Variants in SOD2 observed in about 807,000 individuals in gnomAD.
The protein encoded by SOD2 is superoxide dismutase [Mn], mitochondrial.
SOD2 carries 11 observed loss-of-function variants against 27.0 expected under a neutral mutation model. The ratio of observed to expected loss-of-function variants is 0.41; its 90% confidence interval spans 0.26 to 0.67. The LOEUF (loss-of-function observed/expected upper bound fraction) is 0.67. SOD2 is among the 30% of genes least tolerant of loss of function. The probability of loss-of-function intolerance (pLI) is 0.34; values close to 1 mark genes in which losing one functional copy is unlikely to be tolerated. For missense variants in SOD2, 250 were observed against 274.5 expected, an observed-to-expected ratio of 0.91 and a Z score of 0.63; for synonymous variants, 105 against 103.0, an observed-to-expected ratio of 1.02 and a Z score of -0.12.
At chr6:159,683,066 C>T (rs1374934737) in intron 4 of SOD2, among the ~76,000 whole-genome samples, 1 of 152,146 alleles carries the variant, frequency 6.6e-6, no homozygotes, top group Non-Finnish European at 1.5e-5. Flanking sequence ...TTACGAGGAA[C>T]CAGCTCTGCT....
At chr6:159,689,608 C>A (rs894069879) in intron 2 of SOD2, among the ~76,000 whole-genome samples, 1 of 152,186 alleles carries the variant, frequency 6.6e-6, no homozygotes, top group African/African-American at 2.4e-5. Flanking sequence ...GCTTTGCTCT[C>A]AAGGAGCTTA....
chr6:159,718,140 A>C (rs1777959062), intron 1 of SOD2, among the ~76,000 whole-genome samples: 1 of 151,868 alleles, frequency 6.6e-6, no homozygotes, highest in Admixed American at 6.6e-5. Flanking sequence ...CTATAGGCGC[A>C]CACCACCATG....
Position 159,688,153 on chromosome 6 carries a change from T to C in SOD2, c.316A>G (p.Ser106Gly). 6.2e-7 allele frequency: 1 copy of C among 1,612,278 alleles called. No individual in the cohort carries two copies. The highest frequency in any genetic ancestry group is 8.5e-7 in the Non-Finnish European group (1 of 1,178,254). Residue 106 changes from serine to glycine, a missense_variant, in exon 3 of 5, where the codon AGC (serine) becomes GGC (glycine). Physicochemically the swap from Ser to Gly is moderately conservative, Grantham distance 56. Coordinates refer to ENST00000538183, the MANE Select transcript of SOD2 (RefSeq NM_000636.4). ...INHSIFWTNLSPNGGGEPKGE... is the reference protein window; with the variant it reads ...INHSIFWTNLGPNGGGEPKGE... ...TTGGGTTCTCCACCACCGTTAGGGCTGAGGTTTGTCCAGAAAATGCTATGA... is the reference window on the plus strand; with the variant it reads ...TTGGGTTCTCCACCACCGTTAGGGCCGAGGTTTGTCCAGAAAATGCTATGA...
upstream of SOD2, among the ~76,000 whole-genome samples, chr6:159,696,763 C>T (rs1777427963): frequency 6.6e-6 from 1 of 151,990 alleles, no homozygotes; most frequent in Admixed American, 6.6e-5. Flanking sequence ...GGTATGGGGC[C>T]AGGTGCAGTG....
In SOD2 at chr6:159,735,635, G is replaced by C. The variant is rs1011240693; in HGVS notation, c.-116+9495C>G. ...GTGGTGGCACGCACCTGTAGTCCCAGCTATTTAGGGGGCTGAGGCAGGAGA... is the reference window on the plus strand; with the variant it reads ...GTGGTGGCACGCACCTGTAGTCCCACCTATTTAGGGGGCTGAGGCAGGAGA... On this transcript the variant is annotated intron_variant, in intron 1 of 3. Coordinates refer to the SOD2 transcript ENST00000537657. Among the ~76,000 whole-genome samples the C allele has an allele frequency of 2.6e-5, 4 of 152,108 alleles. No homozygotes were observed. In the East Asian group the frequency reaches 7.7e-4, roughly 29 times the overall value.
At chr6:159,685,165 C>T (rs536788664) in intron 3 of SOD2, 132 bp from the exon 4 acceptor site, 1 of 437,164 alleles carries the variant, frequency 2.3e-6, no homozygotes, top group Non-Finnish European at 3.9e-6. Context: ...GAATGCGACA[C>T]CTGGATCTAA....
At chr6:159,724,830 C>A (rs547763800) in intron 1 of SOD2, among the ~76,000 whole-genome samples, 2 of 134,658 alleles carry the variant, frequency 1.5e-5, no homozygotes, top group East Asian at 4.3e-4. Flanking sequence ...CCAGCCTGGA[C>A]GACAGAGTCA....
chr6:159,730,200 C>T (rs1315261752), upstream of SOD2, among the ~76,000 whole-genome samples: 11 of 152,260 alleles, frequency 7.2e-5, no homozygotes, highest in Admixed American at 1.3e-4. Context: ...CATTTTCATC[C>T]TGGAAAATGG....
At chr6:159,736,873 G>A (rs10455779) in intron 1 of SOD2, among the ~76,000 whole-genome samples, 2,604 of 152,142 alleles carry the variant, frequency 0.017, 34 homozygotes, top group Non-Finnish European at 0.024. Flanking sequence ...AGGTAACATC[G>A]TCTCTAGGAG....
chr6:159,682,593 T>C lies in SOD2; in HGVS notation c.569A>G (p.Tyr190Cys), dbSNP rs972195257. ...AGGCCTGACATTTTTATACTGAAGG[T>C]AGTAAGCGTGCTCCCACACATCAAT... ...LGIDVWEHAY[Y>C]LQYKNVRPDY... The change falls in exon 5 of 5, where the codon TAC becomes TGC. Residue 190 changes from tyrosine to cysteine, a missense_variant. Transcript: ENST00000538183. The C allele has an allele frequency of 6.2e-7, 1 of 1,613,856 alleles. No homozygotes were observed. Among genetic ancestry groups the C allele is most frequent in the Non-Finnish European group, 8.5e-7 (1 of 1,179,906 alleles).
intron 3 of SOD2, among the ~76,000 whole-genome samples, chr6:159,687,517 T>C (rs9456442): frequency 0.28 from 42,028 of 151,716 alleles, 6,010 homozygotes; most frequent in East Asian, 0.41. Flanking sequence ...AGTCTCTCAG[T>C]CTTTCCCTAA....
intron 1 of SOD2, among the ~76,000 whole-genome samples, chr6:159,724,082 T>C (rs1778092812): frequency 1.3e-5 from 2 of 152,146 alleles, no homozygotes; most frequent in Non-Finnish European, 2.9e-5. Flanking sequence ...AGACTTTTTT[T>C]TTCTGAACTT....
chr6:159,733,870 C>T (rs563088696), intron 1 of SOD2, among the ~76,000 whole-genome samples: 7 of 152,228 alleles, frequency 4.6e-5, no homozygotes, highest in Non-Finnish European at 7.4e-5. Flanking sequence ...GAGCCGAGAT[C>T]GCGCCGTTGC....
chr6:159,702,849 C>A (rs1562432819), intron 1 of SOD2, among the ~76,000 whole-genome samples: 1 of 42,438 alleles, frequency 2.4e-5, no homozygotes, highest in African/African-American at 9.6e-5. Flanking sequence ...GACCCTATCT[C>A]GAAAAAAAAA....
At chr6:159,694,258 A>C (rs376943067), upstream of SOD2, among the ~76,000 whole-genome samples, 67 of 152,338 alleles carry the variant, frequency 4.4e-4, no homozygotes, top group African/African-American at 1.2e-3. Context: ...AACAATCCTG[A>C]ATGGTGTGAA....
chr6:159,737,018 T>G (rs891769683), intron 1 of SOD2, among the ~76,000 whole-genome samples: 2 of 152,218 alleles, frequency 1.3e-5, no homozygotes, highest in African/African-American at 4.8e-5. Context: ...TTTCATAATC[T>G]GAGAATTACT....
chr6:159,755,641 C>A (rs764336610), intron 1 of SOD2: 2 of 1,539,126 alleles, frequency 1.3e-6, no homozygotes, highest in East Asian at 2.3e-5. Flanking sequence ...TATACAGTGT[C>A]ATTTAATTTG....
intron 1 of SOD2, among the ~76,000 whole-genome samples, chr6:159,737,393 T>C (rs891889380): frequency 5.3e-5 from 8 of 152,342 alleles, no homozygotes; most frequent in Admixed American, 3.3e-4. Flanking sequence ...TTCCATTTTA[T>C]GGTAATACTA....
At chr6:159,712,356 CTCAGCTGCTCTGACCT>C (rs1777822275) in intron 1 of SOD2, among the ~76,000 whole-genome samples, 1 of 121,454 alleles carries the variant, frequency 8.2e-6, no homozygotes, top group Non-Finnish European at 1.9e-5. Flanking sequence ...ATAACCACCA[CTCAGCTGCTCTGACCT>C]CCATAACCAC....
Sources: gnomAD v4.1 joint callset for allele counts (sites outside exome capture counted in the v4.1 genomes callset) on GRCh38, gnomAD v4.1.1 for gene constraint, MANE v1.5 for transcripts, NCBI Gene and HGNC (gene_info 2026-07-23, HGNC 2026-07-21) for gene names.